The following ATRNL1 variants were observed in gnomAD, a reference collection of about 807,000 sequenced individuals.
The protein encoded by ATRNL1 is attractin-like protein 1.
A neutral mutation model predicts 182.7 loss-of-function variants in ATRNL1; 95 were observed. That is an observed-to-expected ratio of 0.52 (90% CI 0.44 to 0.62). The LOEUF (loss-of-function observed/expected upper bound fraction) is 0.62, where lower values mean the gene tolerates loss of function less well. ATRNL1 is among the 20% of genes least tolerant of loss of function. The pLI is 0.00. For missense variants in ATRNL1, 1,471 were observed against 1,679.5 expected (o/e 0.88, Z 2.17); for synonymous variants, 576 against 568.3 (o/e 1.01, Z -0.19).
intron 8 of ATRNL1, among the ~76,000 whole-genome samples, chr10:115,176,131 T>C (rs186580525): frequency 6.2e-4 from 94 of 152,246 alleles, no homozygotes; most frequent in African/African-American, 2.1e-3. Flanking sequence ...TCTGTTCATA[T>C]CCTTCACCCA....
chr10:115,186,468 A>G (rs1003081023), intron 8 of ATRNL1, among the ~76,000 whole-genome samples: 2 of 152,162 alleles, frequency 1.3e-5, no homozygotes, highest in Admixed American at 1.3e-4. Context: ...CTAAGTGTCC[A>G]TCAACAGGAA....
intron 26 of ATRNL1, among the ~76,000 whole-genome samples, chr10:115,677,417 C>A (rs1555043379): frequency 6.6e-6 from 1 of 152,032 alleles, no homozygotes; most frequent in Non-Finnish European, 1.5e-5. Flanking sequence ...TGTGCCCCCA[C>A]CCAAATCTCA....
chr10:115,789,486 G>A (rs1434179651), intron 27 of ATRNL1, among the ~76,000 whole-genome samples: 3 of 152,126 alleles, frequency 2.0e-5, no homozygotes, highest in Non-Finnish European at 2.9e-5. Context: ...AGCACCCTGC[G>A]CTCCTCCCAG....
intron 21 of ATRNL1, among the ~76,000 whole-genome samples, chr10:115,457,514 C>T (rs555202241): frequency 4.0e-4 from 61 of 152,144 alleles, no homozygotes; most frequent in African/African-American, 1.4e-3. Flanking sequence ...TGTCTGTCTC[C>T]TGTCACTACA....
rs1317834252 is a variant in ATRNL1, at chr10:115,947,427, A to G, written c.*2648A>G. 6.6e-6 allele frequency: 1 copy of G among 152,632 alleles called. No homozygotes were observed. The highest frequency in any genetic ancestry group is 2.4e-5 in the African/African-American group (1 of 41,450). The allele number at this position is 152,632 out of a possible 1,614,324, so 9.5% of individuals were successfully genotyped here. The stretch of plus-strand genomic sequence containing the variant: ...GATGTTTTATTCTGCCAAGTATGAA[A>G]AAAAAATGGTTAAATACAATGGAGT... On this transcript the variant is annotated 3_prime_UTR_variant, in exon 29 of 29. Transcript: ENST00000355044.
At chr10:115,316,524 G>A (rs1554929745) in intron 18 of ATRNL1, among the ~76,000 whole-genome samples, 1 of 150,756 alleles carries the variant, frequency 6.6e-6, no homozygotes, top group African/African-American at 2.4e-5. Flanking sequence ...GATCCTTGAG[G>A]AATCACAGTG....
chr10:115,419,974 C>T (rs144533413), intron 20 of ATRNL1, among the ~76,000 whole-genome samples: 1 of 151,886 alleles, frequency 6.6e-6, no homozygotes, highest in Non-Finnish European at 1.5e-5. Flanking sequence ...GCACAGTCTT[C>T]TCAACAGCAC....
intron 9 of ATRNL1, among the ~76,000 whole-genome samples, chr10:115,239,296 G>T (rs948263919): frequency 5.9e-5 from 9 of 151,838 alleles, no homozygotes; most frequent in Non-Finnish European, 4.4e-5. Flanking sequence ...GCAGTGGTGC[G>T]ATCTCAGCTC....
intron 9 of ATRNL1, among the ~76,000 whole-genome samples, chr10:115,234,459 C>G (rs1320510750): frequency 2.0e-5 from 3 of 152,012 alleles, no homozygotes; most frequent in African/African-American, 7.2e-5. Flanking sequence ...AAGATACTCT[C>G]TTACATAAGG....
At chr10:115,329,536 A>G (rs1855099320) in intron 18 of ATRNL1, among the ~76,000 whole-genome samples, 1 of 151,994 alleles carries the variant, frequency 6.6e-6, no homozygotes, top group Admixed American at 6.6e-5. Flanking sequence ...GGATCTATTA[A>G]TGTTTGCTTT....
At chr10:115,434,002 C>G (rs1046878228) in intron 21 of ATRNL1, among the ~76,000 whole-genome samples, 1 of 152,098 alleles carries the variant, frequency 6.6e-6, no homozygotes, top group African/African-American at 2.4e-5. Context: ...ACCTTTCTCA[C>G]TAAGCCATGT....
At chr10:115,502,550 T>A (rs11598455) in intron 24 of ATRNL1, among the ~76,000 whole-genome samples, 24,918 of 152,078 alleles carry the variant, frequency 0.16, 2,572 homozygotes, top group South Asian at 0.24. Flanking sequence ...AATTTTTTTT[T>A]AATTTTATAA....
intron 5 of ATRNL1, among the ~76,000 whole-genome samples, chr10:115,136,538 C>T (rs1845521986): frequency 6.6e-6 from 1 of 152,202 alleles, no homozygotes; most frequent in Non-Finnish European, 1.5e-5. Context: ...ATGTATCCAC[C>T]ATTATAGTAT....
At chr10:115,548,696 A>G (rs1852802000) in intron 25 of ATRNL1, among the ~76,000 whole-genome samples, 1 of 152,196 alleles carries the variant, frequency 6.6e-6, no homozygotes, top group Non-Finnish European at 1.5e-5. Flanking sequence ...TGCATATAGT[A>G]CCTAATATAT....
intron 20 of ATRNL1, among the ~76,000 whole-genome samples, chr10:115,398,001 G>T (rs753668053): frequency 2.0e-5 from 3 of 151,906 alleles, no homozygotes; most frequent in Non-Finnish European, 4.4e-5. Flanking sequence ...AGATCAGCTA[G>T]GGTAGTTGAT....
At position 115,936,542 on chromosome 10, in the gene ATRNL1, G is replaced by C. The variant is rs188964731; in HGVS notation, c.4019-8116G>C. 4.6e-5 allele frequency among the ~76,000 whole-genome samples: 7 copies of C among 152,180 alleles called. No individual in the cohort carries two copies. In the East Asian group the frequency reaches 1.4e-3, roughly 29 times the overall value. On this transcript the variant is annotated intron_variant, in intron 28 of 28. Coordinates refer to ENST00000355044, the MANE Select transcript of ATRNL1 (RefSeq NM_207303.4). Reference sequence around the variant, plus strand: ...GTTTGACGGTGATTTCTTATTGGTAGTAACAGATTATTATTGAAATTATTA... The same window carrying C: ...GTTTGACGGTGATTTCTTATTGGTACTAACAGATTATTATTGAAATTATTA...
chr10:115,541,270 A>G (rs1466642269), intron 25 of ATRNL1, among the ~76,000 whole-genome samples: 1 of 151,882 alleles, frequency 6.6e-6, no homozygotes, highest in East Asian at 1.9e-4. Context: ...TACACTTCAC[A>G]AAAGAAGACA....
intron 26 of ATRNL1, among the ~76,000 whole-genome samples, chr10:115,634,769 A>G (rs1412101711): frequency 6.6e-6 from 1 of 152,164 alleles, no homozygotes; most frequent in Non-Finnish European, 1.5e-5. Flanking sequence ...TCACTTCTAA[A>G]GAGGTTATAA....
At chr10:115,550,026 C>A (rs1424446325) in intron 26 of ATRNL1, among the ~76,000 whole-genome samples, 4 of 151,738 alleles carry the variant, frequency 2.6e-5, no homozygotes, top group Admixed American at 6.6e-5. Flanking sequence ...GTTTAAAGAG[C>A]ACATCCATTG....
Sources: gnomAD v4.1 joint callset for allele counts (sites outside exome capture counted in the v4.1 genomes callset) on GRCh38, gnomAD v4.1.1 for gene constraint, MANE v1.5 for transcripts, NCBI Gene and HGNC (gene_info 2026-07-23, HGNC 2026-07-21) for gene names.